Variants in RAB3C observed in about 807,000 individuals in gnomAD.
RAB3C encodes ras-related protein Rab-3C.
In RAB3C, 17 loss-of-function variants were observed where a neutral mutation model predicts 26.4. The observed-to-expected ratio is 0.64, with a 90% CI of 0.44 to 0.97. The LOEUF (loss-of-function observed/expected upper bound fraction) is 0.97. Ranked by LOEUF, RAB3C falls within the 50% of genes least tolerant of loss-of-function variation. RAB3C has a pLI of 0.00. For missense variants in RAB3C, 242 were observed against 281.9 expected (o/e 0.86, Z 1.01); for synonymous variants, 91 against 95.9 (o/e 0.95, Z 0.30).
At chr5:58,682,110 G>C (rs1481524072) in intron 2 of RAB3C, among the ~76,000 whole-genome samples, 2 of 152,188 alleles carry the variant, frequency 1.3e-5, no homozygotes. Flanking sequence ...GGCACGTGAA[G>C]TTTCAGTTTG....
chr5:58,625,739 C>A (rs948973706), intron 2 of RAB3C, among the ~76,000 whole-genome samples: 28 of 151,898 alleles, frequency 1.8e-4, no homozygotes, highest in African/African-American at 6.5e-4. Flanking sequence ...CGCCTGTAAT[C>A]CCAGCTACTT....
At chr5:58,709,180 G>A (rs1473228881) in intron 2 of RAB3C, among the ~76,000 whole-genome samples, 7 of 152,208 alleles carry the variant, frequency 4.6e-5, no homozygotes, top group Non-Finnish European at 8.8e-5. Context: ...ACATTCTGTA[G>A]ATGTTATTCT....
At chr5:58,847,139 C>T (rs141260230) in intron 4 of RAB3C, 19 of 152,280 alleles carry the variant, frequency 1.2e-4, no homozygotes, top group African/African-American at 4.6e-4. Flanking sequence ...AGAGTTTCTA[C>T]AGTTAAGTGA....
chr5:58,691,000 G>A (rs1748559268), intron 2 of RAB3C, among the ~76,000 whole-genome samples: 2 of 151,908 alleles, frequency 1.3e-5, no homozygotes, highest in South Asian at 4.1e-4. Flanking sequence ...TTCGTGATAA[G>A]TTGCTCTTAA....
chr5:58,680,751 G>A (rs570291166), intron 2 of RAB3C, among the ~76,000 whole-genome samples: 17 of 152,128 alleles, frequency 1.1e-4, no homozygotes, highest in South Asian at 6.2e-4. Context: ...CTGACCTTCC[G>A]GTATCCTTCT....
At chr5:58,636,723 TAA>T (rs1747296899) in intron 2 of RAB3C, among the ~76,000 whole-genome samples, 1 of 152,210 alleles carries the variant, frequency 6.6e-6, no homozygotes, top group Non-Finnish European at 1.5e-5. Flanking sequence ...TGGTGAATCA[TAA>T]GCCTTGGAAT....
At chr5:58,745,961 A>G (rs753965792) in intron 3 of RAB3C, among the ~76,000 whole-genome samples, 1 of 152,222 alleles carries the variant, frequency 6.6e-6, no homozygotes, top group Non-Finnish European at 1.5e-5. Context: ...GCCCAATCTT[A>G]TCCTACATAA....
At chr5:58,804,958 C>G (rs1742901812) in intron 3 of RAB3C, among the ~76,000 whole-genome samples, 1 of 150,740 alleles carries the variant, frequency 6.6e-6, no homozygotes, top group Non-Finnish European at 1.5e-5. Context: ...TTTGTACATA[C>G]TAGATATTGC....
chr5:58,743,814 A>G (rs720084), intron 3 of RAB3C, among the ~76,000 whole-genome samples: 15,859 of 152,270 alleles, frequency 0.1, 1,092 homozygotes, highest in East Asian at 0.21. Context: ...AACTTTTCCC[A>G]AAGTAATTTT....
chr5:58,743,240 G>T (rs1355672822), intron 3 of RAB3C, among the ~76,000 whole-genome samples: 1 of 152,112 alleles, frequency 6.6e-6, no homozygotes, highest in Admixed American at 6.5e-5. Context: ...GGCATCATGG[G>T]GTAGGCACTG....
chr5:58,762,810 C>G, intron 3 of RAB3C, among the ~76,000 whole-genome samples: 1 of 152,150 alleles, frequency 6.6e-6, no homozygotes, highest in East Asian at 1.9e-4. Flanking sequence ...AACTAGCCAT[C>G]TGAGGAAACT....
In RAB3C at chr5:58,728,608, G is replaced by A. The variant is rs79432901; in HGVS notation, c.371+2488G>A. On this transcript the variant is annotated intron_variant, in intron 3 of 4. Transcript: ENST00000282878. ...GTAATATCTTATTATGTACAGTAGC[G>A]ATTCTGGGAGCACATGTTAATCACC... Among the ~76,000 whole-genome samples, 963 of 152,028 alleles carry A rather than the reference G, an allele frequency of 6.3e-3. 4 individuals carry two copies. Among genetic ancestry groups the A allele is most frequent in the Middle Eastern group, 0.01 (3 of 294 alleles).
intron 4 of RAB3C, among the ~76,000 whole-genome samples, chr5:58,830,247 C>A (rs1012508275): frequency 6.6e-6 from 1 of 152,148 alleles, no homozygotes; most frequent in Non-Finnish European, 1.5e-5. Flanking sequence ...AAAGGATATT[C>A]TTTCACCTAA....
At chr5:58,676,162 C>G (rs1173467548) in intron 2 of RAB3C, among the ~76,000 whole-genome samples, 1 of 152,098 alleles carries the variant, frequency 6.6e-6, no homozygotes, top group African/African-American at 2.4e-5. Flanking sequence ...TGTCAAGGAC[C>G]AAGGAAATTC....
intron 4 of RAB3C, among the ~76,000 whole-genome samples, chr5:58,845,593 A>ACT (rs1743972331): frequency 3.3e-5 from 1 of 30,192 alleles, no homozygotes; most frequent in Admixed American, 3.3e-4. Context: ...AGTGATTCTT[A>ACT]CTATATATAT....
chr5:58,741,869 G>A (rs1741281582), intron 3 of RAB3C: 2 of 152,074 alleles, frequency 1.3e-5, no homozygotes, highest in African/African-American at 4.8e-5. Flanking sequence ...GCATGGTGTG[G>A]TAGCAGGTGC....
At chr5:58,761,906 A>G (rs1741804272) in intron 3 of RAB3C, among the ~76,000 whole-genome samples, 1 of 152,068 alleles carries the variant, frequency 6.6e-6, no homozygotes, top group Non-Finnish European at 1.5e-5. Flanking sequence ...TTTCTCTAGC[A>G]TAGATATGAA....
intron 3 of RAB3C, among the ~76,000 whole-genome samples, chr5:58,806,144 G>A (rs962957216): frequency 6.6e-6 from 1 of 152,110 alleles, no homozygotes; most frequent in African/African-American, 2.4e-5. Flanking sequence ...AGATTCCCTA[G>A]GTTTGTGCCC....
chr5:58,824,961 G>A (rs920395379), intron 3 of RAB3C, 77 bp from the exon 4 acceptor site: 3 of 976,608 alleles, frequency 3.1e-6, no homozygotes, highest in African/African-American at 3.3e-5. Flanking sequence ...CATCATCTGT[G>A]GAATGTATTT....
Sources: allele counts gnomAD v4.1 joint callset (sites outside exome capture counted in the v4.1 genomes callset), GRCh38; gene constraint gnomAD v4.1.1; transcripts MANE v1.5; gene names NCBI Gene and HGNC (gene_info 2026-07-23, HGNC 2026-07-21).